Variants in ZFHX3 observed in about 807,000 individuals in gnomAD.
ZFHX3 encodes the protein zinc finger homeobox 3.
Under a neutral mutation model 279.1 loss-of-function variants are expected in ZFHX3, and 42 were observed. That is an observed-to-expected ratio of 0.15 (90% confidence interval 0.12 to 0.19). The LOEUF (loss-of-function observed/expected upper bound fraction) is 0.19, where lower values mean the gene tolerates loss of function less well. Among genes scored for constraint, ZFHX3 ranks in the 10% least tolerant of loss-of-function variants. ZFHX3 has a pLI of 1.00. For missense variants in ZFHX3, 4,981 were observed against 4,754.0 expected (o/e 1.05, Z -1.40); for synonymous variants, 2,293 against 1,957.8 (o/e 1.17, Z -4.52).
In ZFHX3 at chr16:73,808,202, G is replaced by T. The variant is rs1012217861; in HGVS notation, c.-1608+83449C>A. On this transcript the variant is annotated intron_variant, in intron 1 of 17. Transcript: ENST00000641206. ...AGGGAAGAAAAAGGTTAAAACCATC[G>T]ATGTAGATCATGAGCACATGCTCAT... is the stretch of plus-strand genomic sequence containing the variant. Among the ~76,000 whole-genome samples, 4 of 152,148 alleles carry T rather than the reference G, an allele frequency of 2.6e-5. No homozygotes were observed. In the East Asian group the frequency reaches 7.7e-4, roughly 29 times the overall value.
intron 3 of ZFHX3, among the ~76,000 whole-genome samples, chr16:73,335,272 T>C (rs1347143230): frequency 6.6e-6 from 1 of 152,172 alleles, no homozygotes; most frequent in Non-Finnish European, 1.5e-5. Flanking sequence ...GACAGGTTTA[T>C]TTTCCCTATG....
intron 5 of ZFHX3, among the ~76,000 whole-genome samples, chr16:73,249,382 A>T (rs2013411514): frequency 6.6e-6 from 1 of 152,232 alleles, no homozygotes; most frequent in East Asian, 1.9e-4. Context: ...TAAGAAAAAG[A>T]GGTTTAACAG....
At chr16:73,662,269 C>T (rs921088563) in intron 2 of ZFHX3, among the ~76,000 whole-genome samples, 1 of 152,104 alleles carries the variant, frequency 6.6e-6, no homozygotes, top group African/African-American at 2.4e-5. Context: ...AAAGCCTTTT[C>T]CCAGATTTTT....
intron 3 of ZFHX3, among the ~76,000 whole-genome samples, chr16:73,408,396 A>G (rs33946915): frequency 0.3 from 46,315 of 152,008 alleles, 8,976 homozygotes; most frequent in Non-Finnish European, 0.44. Flanking sequence ...ATAAAAAGGT[A>G]TTTGGATGCC....
chr16:73,259,438 C>A (rs1015423345), intron 4 of ZFHX3, among the ~76,000 whole-genome samples: 12 of 152,228 alleles, frequency 7.9e-5, no homozygotes, highest in Admixed American at 7.2e-4. Flanking sequence ...TTAACCACTA[C>A]TCTTACTGTC....
At chr16:72,907,493 T>C (rs1188286130) in intron 3 of ZFHX3, among the ~76,000 whole-genome samples, 2 of 151,002 alleles carry the variant, frequency 1.3e-5, no homozygotes, top group Non-Finnish European at 2.9e-5. Context: ...GTACCACCCC[T>C]GTCTCCAGCC....
chr16:73,786,613 C>T (rs751726694), intron 1 of ZFHX3, among the ~76,000 whole-genome samples: 10 of 152,072 alleles, frequency 6.6e-5, no homozygotes, highest in East Asian at 1.9e-4. Context: ...GCAGGGGGGG[C>T]CAAAGAGGTC....
chr16:73,418,462 C>T (rs1196184598), intron 3 of ZFHX3, among the ~76,000 whole-genome samples: 5 of 152,206 alleles, frequency 3.3e-5, no homozygotes, highest in South Asian at 2.1e-4. Flanking sequence ...TTTGTTCAGG[C>T]TGTGTTTGTT....
At chr16:73,248,914 A>G (rs2013393822) in intron 5 of ZFHX3, among the ~76,000 whole-genome samples, 3 of 152,214 alleles carry the variant, frequency 2.0e-5, no homozygotes, top group African/African-American at 7.2e-5. Flanking sequence ...AAAACTGTCC[A>G]GTCTGTGGTC....
In ZFHX3 at chr16:73,295,805, G is replaced by A. The variant is rs536059635; in HGVS notation, c.-1194+22435C>T. ...GACAAGGGATGGTAAGGATGGAAGA[G>A]ATGCATAAGCAAGAAGAATAGGGGA... On this transcript the variant is annotated intron_variant, in intron 4 of 17. Transcript: ENST00000641206. 7.2e-5 allele frequency among the ~76,000 whole-genome samples: 11 copies of A among 152,320 alleles called. No homozygotes were observed. In the East Asian group the frequency reaches 1.9e-3, roughly 27 times the overall value.
chr16:73,461,203 G>A (rs772972558), intron 2 of ZFHX3, among the ~76,000 whole-genome samples: 2 of 152,058 alleles, frequency 1.3e-5, no homozygotes, highest in South Asian at 2.1e-4. Flanking sequence ...GTGTACCATC[G>A]TTGCTGAAAT....
At chr16:73,024,374 G>A (rs1324340760) in intron 1 of ZFHX3, among the ~76,000 whole-genome samples, 1 of 152,044 alleles carries the variant, frequency 6.6e-6, no homozygotes, top group Non-Finnish European at 1.5e-5. Flanking sequence ...ATCATGCCCC[G>A]CAGGCAAAGT....
chr16:72,850,846 G>A (rs781387671), intron 4 of ZFHX3, among the ~76,000 whole-genome samples: 8 of 152,050 alleles, frequency 5.3e-5, no homozygotes, highest in Non-Finnish European at 1.2e-4. Flanking sequence ...ACTCAATGAT[G>A]CTAGAGCTAT....
rs540023403 is a variant in ZFHX3, at chr16:73,618,704, G to A, written c.-1547+61476C>T. Among the ~76,000 whole-genome samples, 4 of 152,236 alleles carry A rather than the reference G, an allele frequency of 2.6e-5. No homozygotes were observed. The South Asian group carries it at 8.3e-4, about 32-fold the overall frequency. ...GGAAACAGATTTGAACTTTGAAAAA[G>A]GCAAAACAAGCTCTGATAATTCTTT... On this transcript the variant is annotated intron_variant, in intron 2 of 17. Coordinates refer to the ZFHX3 transcript ENST00000641206.
intron 2 of ZFHX3, among the ~76,000 whole-genome samples, chr16:73,482,380 C>T (rs1225538619): frequency 6.6e-6 from 1 of 151,388 alleles, no homozygotes; most frequent in Non-Finnish European, 1.5e-5. Context: ...ATCTGCTATC[C>T]CAGCCCAGAA....
chr16:73,833,161 T>C (rs985857034), intron 1 of ZFHX3, among the ~76,000 whole-genome samples: 13 of 152,160 alleles, frequency 8.5e-5, no homozygotes, highest in African/African-American at 2.4e-4. Context: ...CCAGGAGTTC[T>C]AGACCAGCCC....
At chr16:73,871,511 AGAGT>A (rs1310010770) in intron 1 of ZFHX3, among the ~76,000 whole-genome samples, 5 of 151,632 alleles carry the variant, frequency 3.3e-5, no homozygotes, top group African/African-American at 9.7e-5. Flanking sequence ...AGAGAGAGAG[AGAGT>A]GTGTGTGCTT....
chr16:73,745,976 T>C (rs1007958814), intron 1 of ZFHX3, among the ~76,000 whole-genome samples: 35 of 152,324 alleles, frequency 2.3e-4, no homozygotes, highest in Non-Finnish European at 1.9e-4. Context: ...ACTTTCTGAA[T>C]GAATGTTACT....
At chr16:73,737,682 G>GAA (rs111421291) in intron 1 of ZFHX3, among the ~76,000 whole-genome samples, 14 of 143,240 alleles carry the variant, frequency 9.8e-5, no homozygotes, top group Admixed American at 6.3e-4. Flanking sequence ...CGGGAAAAAG[G>GAA]AAAAAAAAAA....
Sources: gnomAD v4.1 joint callset for allele counts (sites outside exome capture counted in the v4.1 genomes callset) on GRCh38, gnomAD v4.1.1 for gene constraint, MANE v1.5 for transcripts, NCBI Gene and HGNC (gene_info 2026-07-23, HGNC 2026-07-21) for gene names.